GPC6: variants seen among roughly 807,000 people sequenced by gnomAD.
GPC6 encodes glypican 6.
In GPC6, 14 loss-of-function variants were observed where a neutral mutation model predicts 55.2. That is an observed-to-expected ratio of 0.25 (90% CI 0.17 to 0.40). The LOEUF (loss-of-function observed/expected upper bound fraction) is 0.40. GPC6 is among the 10% of genes least tolerant of loss of function. GPC6 has a pLI of 1.00. For missense variants in GPC6, 641 were observed against 708.5 expected, an observed-to-expected ratio of 0.90 and a Z score of 1.08; for synonymous variants, 278 against 259.6, an observed-to-expected ratio of 1.07 and a Z score of -0.68.
chr13:93,437,683 G>A (rs973440778), intron 1 of GPC6, among the ~76,000 whole-genome samples: 17 of 152,160 alleles, frequency 1.1e-4, no homozygotes, highest in African/African-American at 4.1e-4. Flanking sequence ...AAGGAAGGAA[G>A]CCATCTCCAT....
chr13:93,822,391 G>A (rs1291174758), intron 2 of GPC6, among the ~76,000 whole-genome samples: 1 of 151,928 alleles, frequency 6.6e-6, no homozygotes, highest in Admixed American at 6.6e-5. Flanking sequence ...CTCCAGGCTC[G>A]GTTATCTGCA....
At chr13:94,158,106 C>T (rs182154153) in intron 4 of GPC6, among the ~76,000 whole-genome samples, 1 of 152,286 alleles carries the variant, frequency 6.6e-6, no homozygotes, top group East Asian at 1.9e-4. Context: ...AGCCCAATTT[C>T]CTGCCAGATA....
intron 6 of GPC6, among the ~76,000 whole-genome samples, chr13:94,372,639 G>T (rs1259692826): frequency 6.6e-6 from 1 of 152,144 alleles, no homozygotes; most frequent in African/African-American, 2.4e-5. Flanking sequence ...GCTGGGGGAG[G>T]GGCGCCCGCC....
chr13:93,821,562 G>A (rs1283802818), intron 2 of GPC6, among the ~76,000 whole-genome samples: 1 of 152,226 alleles, frequency 6.6e-6, no homozygotes, highest in South Asian at 2.1e-4. Context: ...TTAGGACATT[G>A]GGATTTTTAA....
intron 1 of GPC6, among the ~76,000 whole-genome samples, chr13:93,293,888 G>T (rs1168290687): frequency 6.6e-6 from 1 of 152,138 alleles, no homozygotes; most frequent in Non-Finnish European, 1.5e-5. Context: ...AAAAAAGATT[G>T]CAACCTCTTT....
At chr13:94,383,304 G>A in intron 7 of GPC6, among the ~76,000 whole-genome samples, 1 of 152,292 alleles carries the variant, frequency 6.6e-6, no homozygotes, top group African/African-American at 2.4e-5. Flanking sequence ...AGCGGGTAAA[G>A]TAGCTGGTAA....
chr13:94,363,925 T>C (rs1425694459), intron 6 of GPC6, among the ~76,000 whole-genome samples: 1 of 152,202 alleles, frequency 6.6e-6, no homozygotes, highest in African/African-American at 2.4e-5. Flanking sequence ...TAATAAAGAA[T>C]ATACAATATC....
chr13:93,633,752 G>T (rs1474236344), intron 2 of GPC6, among the ~76,000 whole-genome samples: 1 of 152,090 alleles, frequency 6.6e-6, no homozygotes. Context: ...AGACTAGGAA[G>T]TGAAAGAATA....
intron 2 of GPC6, among the ~76,000 whole-genome samples, chr13:93,615,398 A>G (rs1334339371): frequency 6.6e-6 from 1 of 152,102 alleles, no homozygotes; most frequent in Non-Finnish European, 1.5e-5. Context: ...TGTCGAGAGG[A>G]TTCATGCCAT....
intron 4 of GPC6, among the ~76,000 whole-genome samples, chr13:94,135,311 C>T (rs572824821): frequency 1.7e-4 from 25 of 150,544 alleles, no homozygotes; most frequent in African/African-American, 6.1e-4. Flanking sequence ...ATTTGACTTA[C>T]ACATTAGATG....
At chr13:94,055,095 G>C (rs895441544) in intron 4 of GPC6, among the ~76,000 whole-genome samples, 2 of 152,070 alleles carry the variant, frequency 1.3e-5, no homozygotes, top group East Asian at 1.9e-4. Context: ...GGATATTGTC[G>C]TCTGACAGGG....
At chr13:93,896,568 T>C (rs1161705700) in intron 3 of GPC6, among the ~76,000 whole-genome samples, 1 of 152,114 alleles carries the variant, frequency 6.6e-6, no homozygotes, top group African/African-American at 2.4e-5. Context: ...GCAGAAAATG[T>C]AGTTTAATAC....
intron 3 of GPC6, among the ~76,000 whole-genome samples, chr13:93,886,886 A>G (rs779822583): frequency 4.6e-5 from 7 of 151,804 alleles, no homozygotes; most frequent in Non-Finnish European, 1.0e-4. Flanking sequence ...AAGAAATTCT[A>G]TGATTGATTT....
At chr13:93,272,661 G>A (rs1208391240) in intron 1 of GPC6, among the ~76,000 whole-genome samples, 1 of 152,018 alleles carries the variant, frequency 6.6e-6, no homozygotes, top group Non-Finnish European at 1.5e-5. Flanking sequence ...CCAACAATTT[G>A]TTCTACTCTT....
intron 1 of GPC6, among the ~76,000 whole-genome samples, chr13:93,483,487 A>G (rs1448526460): frequency 6.6e-6 from 1 of 152,138 alleles, no homozygotes; most frequent in East Asian, 1.9e-4. Context: ...ATATCTGATT[A>G]TTTCTATCCA....
At chr13:94,292,250 C>T (rs904897032) in intron 5 of GPC6, among the ~76,000 whole-genome samples, 2 of 89,008 alleles carry the variant, frequency 2.2e-5, no homozygotes, top group South Asian at 5.7e-4. Flanking sequence ...TCTCGCTAAT[C>T]GATGCATAAC....
chr13:93,872,502 A>C (rs1353466653), intron 3 of GPC6, among the ~76,000 whole-genome samples: 2 of 151,978 alleles, frequency 1.3e-5, no homozygotes, highest in Non-Finnish European at 2.9e-5. Flanking sequence ...CTGGGCTAAA[A>C]TCAAGGTGTT....
intron 2 of GPC6, among the ~76,000 whole-genome samples, chr13:93,647,747 C>A (rs1162767521): frequency 6.6e-6 from 1 of 152,144 alleles, no homozygotes; most frequent in Non-Finnish European, 1.5e-5. Context: ...GCTTATTCAC[C>A]ATTTCAGTTC....
chr13:94,332,315 C>G (rs1009315288), intron 6 of GPC6, among the ~76,000 whole-genome samples: 1 of 152,254 alleles, frequency 6.6e-6, no homozygotes, highest in African/African-American at 2.4e-5. Context: ...AATTAGCCAT[C>G]ACCTAATCTT....
Sources: allele counts gnomAD v4.1 joint callset (sites outside exome capture counted in the v4.1 genomes callset), GRCh38; gene constraint gnomAD v4.1.1; transcripts MANE v1.5; gene names NCBI Gene and HGNC (gene_info 2026-07-23, HGNC 2026-07-21).